AKAP19: variants seen among roughly 807,000 people sequenced by gnomAD.
AKAP19 encodes small A-kinase anchoring protein.
At chr2:190,087,036 T>G in the AKAP19 span, among the ~76,000 whole-genome samples, 1 of 152,024 alleles carries the variant, frequency 6.6e-6, no homozygotes, top group South Asian at 2.1e-4. Context: ...GTTATGTGAG[T>G]AGGTCATTAG....
the AKAP19 span, among the ~76,000 whole-genome samples, chr2:190,178,157 AG>A: frequency 6.6e-6 from 1 of 152,152 alleles, no homozygotes; most frequent in African/African-American, 2.4e-5. The surrounding 1 kb of genome is among the most constrained non-coding windows in gnomAD (Gnocchi z 6.3). Context: ...GTGAGGACAG[AG>A]GGGCAGAAAT....
chr2:190,090,242 A>G, the AKAP19 span, among the ~76,000 whole-genome samples: 1 of 152,208 alleles, frequency 6.6e-6, no homozygotes, highest in Non-Finnish European at 1.5e-5. Context: ...TAGCAAGCGA[A>G]GAAAGCCTTC....
the AKAP19 span, among the ~76,000 whole-genome samples, chr2:190,055,527 T>C: frequency 6.6e-6 from 1 of 152,268 alleles, no homozygotes; most frequent in Admixed American, 6.5e-5. Context: ...TACTCCTTGC[T>C]TTCGTATGTG....
the AKAP19 span, among the ~76,000 whole-genome samples, chr2:190,051,898 C>T: frequency 4.6e-5 from 7 of 151,580 alleles, no homozygotes; most frequent in East Asian, 2.0e-4. Context: ...AGTGCAGTGG[C>T]GCAATCTCGG....
chr2:189,895,082 G>A, the AKAP19 span, among the ~76,000 whole-genome samples: 4 of 151,928 alleles, frequency 2.6e-5, no homozygotes, highest in African/African-American at 9.7e-5. Context: ...AAAAGGACAT[G>A]CAATTGGTTA....
the AKAP19 span, among the ~76,000 whole-genome samples, chr2:189,958,522 CAT>C: frequency 0.2 from 28,762 of 143,516 alleles, 2,837 homozygotes; most frequent in African/African-American, 0.25. Flanking sequence ...ACACACATAA[CAT>C]ATATATATAT....
At chr2:190,069,066 G>A in the AKAP19 span, among the ~76,000 whole-genome samples, 2 of 151,532 alleles carry the variant, frequency 1.3e-5, no homozygotes, top group Non-Finnish European at 2.9e-5. Context: ...TTCATATTAA[G>A]TTTAATGAGT....
At chr2:190,200,318 A>ATGTT in the AKAP19 span, 2 of 622,706 alleles carry the variant, frequency 3.2e-6, no homozygotes, top group African/African-American at 3.7e-5. Flanking sequence ...AAGTACTTCT[A>ATGTT]TGTTAACAGC....
At chr2:189,907,796 A>C in the AKAP19 span, among the ~76,000 whole-genome samples, 11,155 of 152,122 alleles carry the variant, frequency 0.073, 538 homozygotes, top group East Asian at 0.19. Flanking sequence ...AATACATTAC[A>C]GTTATTCTCT....
At chr2:189,982,343 C>T in the AKAP19 span, among the ~76,000 whole-genome samples, 1 of 152,026 alleles carries the variant, frequency 6.6e-6, no homozygotes, top group Non-Finnish European at 1.5e-5. Flanking sequence ...TTTTTCAATT[C>T]CAGAAGTTTT....
chr2:189,909,609 G>T, the AKAP19 span, among the ~76,000 whole-genome samples: 1 of 151,830 alleles, frequency 6.6e-6, no homozygotes, highest in Non-Finnish European at 1.5e-5. Flanking sequence ...AACTTTCATT[G>T]CATACAAAAA....
At chr2:190,090,176 ATAT>A in the AKAP19 span, among the ~76,000 whole-genome samples, 144 of 152,136 alleles carry the variant, frequency 9.5e-4, no homozygotes, top group East Asian at 0.024. Flanking sequence ...GCCATTTCCA[ATAT>A]TATTGTGTTA....
chr2:189,999,543 T>C, the AKAP19 span, among the ~76,000 whole-genome samples: 1 of 152,242 alleles, frequency 6.6e-6, no homozygotes, highest in African/African-American at 2.4e-5. Context: ...TGTATTATAG[T>C]CTGATGTGAC....
At chr2:190,003,897 A>C in the AKAP19 span, among the ~76,000 whole-genome samples, 1 of 152,148 alleles carries the variant, frequency 6.6e-6, no homozygotes, top group Non-Finnish European at 1.5e-5. Flanking sequence ...ATTCCTACTT[A>C]TTATTTTTAA....
the AKAP19 span, among the ~76,000 whole-genome samples, chr2:190,073,298 A>G: frequency 6.6e-6 from 1 of 152,230 alleles, no homozygotes; most frequent in Admixed American, 6.5e-5. Flanking sequence ...CAGTCTATAG[A>G]TGATTCTTCC....
chr2:189,951,021 G>A, the AKAP19 span, among the ~76,000 whole-genome samples: 1 of 151,978 alleles, frequency 6.6e-6, no homozygotes, highest in Non-Finnish European at 1.5e-5. Context: ...TTTCTGGATC[G>A]TTTCTGCACT....
chr2:189,887,762 T>C, the AKAP19 span, among the ~76,000 whole-genome samples: 1 of 152,238 alleles, frequency 6.6e-6, no homozygotes, highest in Admixed American at 6.5e-5. Context: ...CACATAAATG[T>C]CTTCTTTTGA....
the AKAP19 span, among the ~76,000 whole-genome samples, chr2:189,988,183 T>G: frequency 2.0e-5 from 3 of 151,948 alleles, no homozygotes; most frequent in Non-Finnish European, 2.9e-5. Flanking sequence ...AAAAGATATC[T>G]CAAAAGGCTG....
At chr2:189,888,656 C>A in the AKAP19 span, among the ~76,000 whole-genome samples, 2 of 152,152 alleles carry the variant, frequency 1.3e-5, no homozygotes, top group Non-Finnish European at 2.9e-5. Flanking sequence ...AGGTCCTTCA[C>A]ATCCCTTGTA....
Sources: gnomAD v4.1 joint callset for allele counts (sites outside exome capture counted in the v4.1 genomes callset) on GRCh38, gnomAD v4.1.1 for gene constraint, Gnocchi (gnomAD v3.1) non-coding constraint, MANE v1.5 for transcripts, NCBI Gene and HGNC (gene_info 2026-07-23, HGNC 2026-07-21) for gene names.